RIMS2: variants seen among roughly 807,000 people sequenced by gnomAD.
RIMS2 encodes the protein regulating synaptic membrane exocytosis protein 2.
Under a neutral mutation model 174.4 loss-of-function variants are expected in RIMS2, and 59 were observed. The observed-to-expected ratio is 0.34, with a 90% confidence interval of 0.27 to 0.42. The LOEUF is 0.42. RIMS2 is among the 10% of genes least tolerant of loss of function. The pLI, the probability that RIMS2 is intolerant of heterozygous loss-of-function variation, is 1.00. For missense variants in RIMS2, 1,620 were observed against 1,666.3 expected, an observed-to-expected ratio of 0.97 and a Z score of 0.48; for synonymous variants, 606 against 572.5, an observed-to-expected ratio of 1.06 and a Z score of -0.84.
intron 3 of RIMS2, among the ~76,000 whole-genome samples, chr8:103,775,040 G>A (rs927686146): frequency 2.6e-5 from 4 of 152,024 alleles, no homozygotes; most frequent in Admixed American, 6.6e-5. Flanking sequence ...TATAATCAAT[G>A]TTTCAATAAT....
At chr8:103,624,526 T>A (rs111900626) in intron 1 of RIMS2, among the ~76,000 whole-genome samples, 3 of 152,326 alleles carry the variant, frequency 2.0e-5, no homozygotes, top group African/African-American at 7.2e-5. Flanking sequence ...TCTCCCTTTA[T>A]ATATATGACA....
At chr8:103,721,217 T>C (rs1265876689) in intron 2 of RIMS2, among the ~76,000 whole-genome samples, 1 of 152,164 alleles carries the variant, frequency 6.6e-6, no homozygotes, top group Non-Finnish European at 1.5e-5. Context: ...TTATATGTTT[T>C]CTGAGGCCTC....
At chr8:103,568,526 C>T (rs1481274455) in intron 1 of RIMS2, 3 of 371,898 alleles carry the variant, frequency 8.1e-6, no homozygotes, top group Non-Finnish European at 1.6e-5. Flanking sequence ...CTTTTCTCAG[C>T]CACATAGTAT....
intron 19 of RIMS2, among the ~76,000 whole-genome samples, chr8:104,150,056 C>T (rs993752624): frequency 4.6e-5 from 7 of 151,992 alleles, no homozygotes; most frequent in Non-Finnish European, 8.8e-5. Flanking sequence ...AGTATTTATA[C>T]CTAATTAACT....
In RIMS2 at chr8:103,675,072, G is replaced by A. The variant is rs563141737; in HGVS notation, c.177-22014G>A. ...ATTACAGGCACTCGCCACCATGGCC[G>A]GCTAATTTTTTGTATTTTTAGTAGA... is the stretch of plus-strand genomic sequence containing the variant. On this transcript the variant is annotated intron_variant, in intron 1 of 23. Transcript: ENST00000504942. 1.9e-4 allele frequency among the ~76,000 whole-genome samples: 29 copies of A among 152,156 alleles called. No homozygotes were observed. In the South Asian group the frequency reaches 5.0e-3, roughly 26 times the overall value.
At chr8:103,603,365 T>C (rs1227355536) in intron 1 of RIMS2, among the ~76,000 whole-genome samples, 4 of 151,276 alleles carry the variant, frequency 2.6e-5, no homozygotes, top group Non-Finnish European at 5.9e-5. Flanking sequence ...CCATGGTGTA[T>C]ATGTGCCACA....
intron 1 of RIMS2, among the ~76,000 whole-genome samples, chr8:103,581,933 T>C (rs1301044566): frequency 1.3e-5 from 2 of 152,184 alleles, no homozygotes; most frequent in East Asian, 3.9e-4. Flanking sequence ...GCATGCAACA[T>C]ACTGAGACAC....
chr8:103,852,860 G>A (rs1234176514), intron 3 of RIMS2, among the ~76,000 whole-genome samples: 3 of 152,042 alleles, frequency 2.0e-5, no homozygotes, highest in Middle Eastern at 3.4e-3. Flanking sequence ...GCACCGCCAC[G>A]AACATGTGAG....
chr8:103,957,165 G>GTTCAA (rs2087631518), intron 14 of RIMS2, among the ~76,000 whole-genome samples: 1 of 152,206 alleles, frequency 6.6e-6, no homozygotes, highest in Admixed American at 6.5e-5. Context: ...GTGTAAATTA[G>GTTCAA]TTCAACCATT....
chr8:103,887,905 G>A (rs2099214963), intron 4 of RIMS2, among the ~76,000 whole-genome samples: 1 of 151,572 alleles, frequency 6.6e-6, no homozygotes, highest in African/African-American at 2.4e-5. Context: ...AATTAGGAAG[G>A]CTAAGTAGTA....
At chr8:103,734,932 G>T (rs976587741) in intron 2 of RIMS2, among the ~76,000 whole-genome samples, 26 of 123,680 alleles carry the variant, frequency 2.1e-4, no homozygotes, top group African/African-American at 7.8e-4. Flanking sequence ...GAAGGGCACA[G>T]GTTTTCTGTA....
intron 19 of RIMS2, 98 bp downstream of exon 24, chr8:104,093,741 A>G: frequency 1.1e-6 from 1 of 943,268 alleles, no homozygotes; most frequent in Non-Finnish European, 1.5e-6. Flanking sequence ...ACAGGTTAAT[A>G]TATATTTTAA....
At chr8:104,116,355 T>C (rs2098277915) in intron 19 of RIMS2, among the ~76,000 whole-genome samples, 1 of 152,314 alleles carries the variant, frequency 6.6e-6, no homozygotes, top group South Asian at 2.1e-4. Context: ...ATTTTAAGTC[T>C]CCAGAAGTAG....
intron 1 of RIMS2, among the ~76,000 whole-genome samples, chr8:103,630,113 C>A: frequency 6.9e-6 from 1 of 144,700 alleles, no homozygotes; most frequent in Non-Finnish European, 1.5e-5. Context: ...CAGGCTGAGA[C>A]ACATCATAAT....
chr8:104,010,954 G>C (rs1486156358), intron 17 of RIMS2, among the ~76,000 whole-genome samples: 1 of 152,050 alleles, frequency 6.6e-6, no homozygotes, highest in Non-Finnish European at 1.5e-5. Context: ...AATATTTTAA[G>C]CCTTGCAAGT....
Position 103,998,306 on chromosome 8 carries a change from A to G in RIMS2, c.3044+8885A>G, listed in dbSNP as rs928897447. The G allele has an allele frequency of 4.3e-6, 5 of 1,163,512 alleles. No homozygotes were observed. In the African/African-American group the frequency reaches 7.7e-5, roughly 18 times the overall value. The allele number at this position is 1,163,512 out of a possible 1,614,324, so 72.1% of individuals were successfully genotyped here. A position where few individuals can be genotyped will look rare whatever the true frequency, so the allele number is the denominator to read the frequency against. On this transcript the variant is annotated intron_variant, in intron 17 of 23. Transcript: ENST00000504942. ...TGGAATTGCTTGTGCCTGTGTATTGATATGATATAGTTCACTTTTATTTCT... is the reference window on the plus strand; with the variant it reads ...TGGAATTGCTTGTGCCTGTGTATTGGTATGATATAGTTCACTTTTATTTCT...
intron 19 of RIMS2, among the ~76,000 whole-genome samples, chr8:104,139,328 C>T (rs2098547873): frequency 6.6e-6 from 1 of 152,024 alleles, no homozygotes; most frequent in Non-Finnish European, 1.5e-5. Context: ...ATACAGATTA[C>T]ATTGAATCTG....
intron 19 of RIMS2, among the ~76,000 whole-genome samples, chr8:104,131,497 G>T (rs1044036895): frequency 6.6e-6 from 1 of 152,094 alleles, no homozygotes; most frequent in African/African-American, 2.4e-5. Flanking sequence ...TGTTATATTT[G>T]ATGATACATA....
chr8:103,788,865 C>G (rs1360384988), intron 3 of RIMS2, among the ~76,000 whole-genome samples: 1 of 152,154 alleles, frequency 6.6e-6, no homozygotes, highest in Non-Finnish European at 1.5e-5. Context: ...CGCCCCTCCC[C>G]CAGCCTCGCC....
Sources: allele counts gnomAD v4.1 joint callset (sites outside exome capture counted in the v4.1 genomes callset), GRCh38; gene constraint gnomAD v4.1.1; transcripts MANE v1.5; gene names NCBI Gene and HGNC (gene_info 2026-07-23, HGNC 2026-07-21).